The following CRMP1 variants were observed in gnomAD, a reference collection of about 807,000 sequenced individuals.
The protein encoded by CRMP1 is collapsin response mediator protein 1.
In CRMP1, 19 loss-of-function variants were observed where a neutral mutation model predicts 68.3. That is an observed-to-expected ratio of 0.28 (90% CI 0.19 to 0.41). The LOEUF is 0.41. CRMP1 is among the 10% of genes least tolerant of loss of function. The pLI is 1.00. For missense variants in CRMP1, 791 were observed against 967.4 expected, an observed-to-expected ratio of 0.82 and a Z score of 2.42; for synonymous variants, 439 against 399.6, an observed-to-expected ratio of 1.10 and a Z score of -1.18.
In CRMP1 at chr4:5,842,175, T is replaced by C. The variant is rs1165225380; in HGVS notation, c.1033-747A>G. Among the ~76,000 whole-genome samples the C allele has an allele frequency of 1.3e-5, 2 of 151,858 alleles. No individual in the cohort carries two copies. The highest frequency in any genetic ancestry group is 4.8e-5 in the African/African-American group (2 of 41,392). ...ATGGTGTGAACCCGGGAGGCAGAGCTTGCAGTGAGCCAAGATGGCGCCACT... is the reference window on the plus strand; with the variant it reads ...ATGGTGTGAACCCGGGAGGCAGAGCCTGCAGTGAGCCAAGATGGCGCCACT... On this transcript the variant is annotated intron_variant, in intron 7 of 13. Coordinates refer to ENST00000324989, the MANE Select transcript of CRMP1 (RefSeq NM_001014809.3). This position sits in a 1 kb window ranked among gnomAD's most constrained non-coding sequence, Gnocchi z 4.5.
intron 2 of CRMP1, among the ~76,000 whole-genome samples, chr4:5,862,525 G>C (rs1053760654): frequency 6.6e-5 from 10 of 152,196 alleles, no homozygotes; most frequent in Non-Finnish European, 1.3e-4. Flanking sequence ...AACTTAAAAG[G>C]AACAGCAACT....
intron 11 of CRMP1, among the ~76,000 whole-genome samples, chr4:5,830,995 C>T (rs1720342981): frequency 6.6e-6 from 1 of 152,176 alleles, no homozygotes; most frequent in Non-Finnish European, 1.5e-5. Flanking sequence ...GGGTCTCAGT[C>T]TGCAGTGCAG....
chr4:5,871,002 G>A (rs548845930), intron 1 of CRMP1, among the ~76,000 whole-genome samples: 26 of 152,258 alleles, frequency 1.7e-4, no homozygotes, highest in African/African-American at 5.8e-4. Flanking sequence ...GGCTCAGCCC[G>A]AAAGGTGGTA....
chr4:5,889,784 G>A lies in CRMP1; in HGVS notation c.381+2805C>T, dbSNP rs537728806. 1.3e-6 allele frequency: 2 copies of A among 1,528,970 alleles called. No individual in the cohort carries two copies. Among genetic ancestry groups the A allele is most frequent in the African/African-American group, 1.4e-5 (1 of 72,996 alleles). The allele number at this position is 1,528,970 out of a possible 1,614,324, so 94.7% of individuals were successfully genotyped here. A position where few individuals can be genotyped will look rare whatever the true frequency, so the allele number is the denominator to read the frequency against. ...CACTGTGGTTGGGGGCTGGGGCCCT[G>A]ACCTTCACCACCCCAGGGGCCAGTC... On this transcript the variant is annotated intron_variant, in intron 1 of 13. Transcript: ENST00000324989. This position sits in a 1 kb window ranked among gnomAD's most constrained non-coding sequence, Gnocchi z 4.5.
chr4:5,837,637 AAATAAAATAAAAT>A (rs1222668797), intron 9 of CRMP1, among the ~76,000 whole-genome samples: 2 of 132,416 alleles, frequency 1.5e-5, no homozygotes, highest in East Asian at 2.0e-4. Context: ...TCAAAAAATA[AAATAAAATAAAAT>A]AATAAAATAA....
chr4:5,842,977 T>G lies in CRMP1; in HGVS notation c.1032+116A>C. On this transcript the variant is annotated intron_variant, in intron 7 of 13. Transcript: ENST00000324989. The surrounding 1 kb of genome is among the most constrained non-coding windows in gnomAD (Gnocchi z 4.5). ...GAAAACAAGATGGTTTGGGATGGTC[T>G]GGGAGAGGACACGGGAAGAGGCCGG... The G allele has an allele frequency of 1.0e-6, 1 of 963,464 alleles. No homozygotes were observed. The highest frequency in any genetic ancestry group is 1.6e-6 in the Non-Finnish European group (1 of 606,600). The allele number at this position is 963,464 out of a possible 1,614,324, so 59.7% of individuals were successfully genotyped here. A position where few individuals can be genotyped will look rare whatever the true frequency, so the allele number is the denominator to read the frequency against.
chr4:5,882,500 C>A (rs1715282308), intron 1 of CRMP1, among the ~76,000 whole-genome samples: 1 of 152,214 alleles, frequency 6.6e-6, no homozygotes. Context: ...ATCCACATTG[C>A]ATTTAATATG....
chr4:5,831,389 C>T (rs967847755), intron 11 of CRMP1, among the ~76,000 whole-genome samples: 1 of 152,108 alleles, frequency 6.6e-6, no homozygotes, highest in African/African-American at 2.4e-5. Flanking sequence ...TAGGTGCATT[C>T]TTGGGGGTTC....
rs1182867771 is a variant in CRMP1, at chr4:5,837,659, A to AAAATAAAATAAAATAAAAT, written c.1311-772_1311-754dup. Among the ~76,000 whole-genome samples the AAAATAAAATAAAATAAAAT allele has an allele frequency of 1.2e-3, 116 of 98,526 alleles. 2 individuals are homozygous for AAAATAAAATAAAATAAAAT. Among genetic ancestry groups the AAAATAAAATAAAATAAAAT allele is most frequent in the Admixed American group, 2.0e-3 (21 of 10,628 alleles). The allele number at this position is 98,526 out of a possible 152,430, so 64.6% of individuals were successfully genotyped here. On this transcript the variant is annotated intron_variant, in intron 9 of 13. Coordinates refer to ENST00000324989, the MANE Select transcript of CRMP1 (RefSeq NM_001014809.3). ...ATAAAATAAAATAAAATAATAAAAT[A>AAAATAAAATAAAATAAAAT]AAATAAAATAAAATAAAATAAATAA...
chr4:5,823,318 A>G (rs1238534672), intron 13 of CRMP1, among the ~76,000 whole-genome samples: 1 of 152,194 alleles, frequency 6.6e-6, no homozygotes, highest in East Asian at 1.9e-4. Context: ...CTGGTAGACA[A>G]TATGTCTTCT....
At chr4:5,831,736 CCACACCCTGCATTTCACA>C in intron 11 of CRMP1, among the ~76,000 whole-genome samples, 1 of 152,284 alleles carries the variant, frequency 6.6e-6, no homozygotes, top group Admixed American at 6.5e-5. Flanking sequence ...ATCACAAATG[CCACACCCTGCATTTCACA>C]AGAACACTGA....
intron 1 of CRMP1, among the ~76,000 whole-genome samples, chr4:5,867,401 G>GT (rs1714073782): frequency 6.6e-6 from 1 of 152,060 alleles, no homozygotes; most frequent in Non-Finnish European, 1.5e-5. Flanking sequence ...GTAGAACAGG[G>GT]AGTTATCAAG....
intron 10 of CRMP1, among the ~76,000 whole-genome samples, 191 bp from the exon 11 acceptor site, chr4:5,836,276 C>T (rs1350795183): frequency 6.6e-6 from 1 of 152,176 alleles, no homozygotes; most frequent in Non-Finnish European, 1.5e-5. Context: ...TTTAATTAAC[C>T]GCACAGAGGT....
chr4:5,889,746 A>G lies in CRMP1; in HGVS notation c.381+2843T>C, dbSNP rs1002667017. On this transcript the variant is annotated intron_variant, in intron 1 of 13. Transcript: ENST00000324989. This position sits in a 1 kb window ranked among gnomAD's most constrained non-coding sequence, Gnocchi z 4.5. ...AGAGCGAGGGTGGCCTAGGCTTGGT[A>G]CAGCTCCCCCAGCACTGTGGTTGGG... 4.6e-6 allele frequency: 7 copies of G among 1,535,102 alleles called. No individual in the cohort carries two copies. The highest frequency in any genetic ancestry group is 2.7e-5 in the African/African-American group (2 of 73,122).
rs1405206298 is a variant in CRMP1 at position 5,825,848 on chromosome 4, C to A, written c.1804-189G>T. 1.7e-6 allele frequency: 1 copy of A among 603,646 alleles called. No homozygotes were observed. The highest frequency in any genetic ancestry group is 2.3e-5 in the African/African-American group (1 of 43,662). 37.4% of individuals were successfully genotyped at this position (603,646 alleles called of 1,614,324 possible). ...ATGCAGCCGCACACAGGCATTCATACACACAAGCATGCATACACACACATC... is the reference window on the plus strand; with the variant it reads ...ATGCAGCCGCACACAGGCATTCATAAACACAAGCATGCATACACACACATC... On this transcript the variant is annotated intron_variant, in intron 12 of 13. Coordinates refer to ENST00000324989, the MANE Select transcript of CRMP1 (RefSeq NM_001014809.3). This position sits in a 1 kb window ranked among gnomAD's most constrained non-coding sequence, Gnocchi z 4.4.
chr4:5,832,247 T>C (rs1577749205), intron 11 of CRMP1, among the ~76,000 whole-genome samples: 3 of 152,198 alleles, frequency 2.0e-5, no homozygotes, highest in Non-Finnish European at 2.9e-5. Context: ...GGAATTATGA[T>C]TGTACAACCT....
Position 5,825,824 on chromosome 4 carries a change from T to G in CRMP1, c.1804-165A>C, listed in dbSNP as rs1475307861. 6.1e-6 allele frequency: 4 copies of G among 659,928 alleles called. No individual in the cohort carries two copies. The East Asian group carries it at 1.2e-4, about 20-fold the overall frequency. The allele number at this position is 659,928 out of a possible 1,614,324, so 40.9% of individuals were successfully genotyped here. On this transcript the variant is annotated intron_variant, in intron 12 of 13. Coordinates refer to ENST00000324989, the MANE Select transcript of CRMP1 (RefSeq NM_001014809.3). This position sits in a 1 kb window ranked among gnomAD's most constrained non-coding sequence, Gnocchi z 4.4. Reference sequence around the variant, plus strand: ...ACACGACAGGTGCACTTCACACACATGCAGCCGCACACAGGCATTCATACA... The same window carrying G: ...ACACGACAGGTGCACTTCACACACAGGCAGCCGCACACAGGCATTCATACA...
Position 5,887,868 on chromosome 4 carries a change from C to G in CRMP1, c.381+4721G>C, listed in dbSNP as rs532829345. 3,016 of 963,384 alleles carry G rather than the reference C, an allele frequency of 3.1e-3. 11 individuals are homozygous for G. Among genetic ancestry groups the G allele is most frequent in the Non-Finnish European group, 3.5e-3 (2,831 of 800,276 alleles). 59.7% of individuals were successfully genotyped at this position (963,384 alleles called of 1,614,324 possible). ...GAGGCTCAGCTCACCCTCCCACCCCCGCGCGAGGCCTGCGGGGAGGGGGTT... is the reference window on the plus strand; with the variant it reads ...GAGGCTCAGCTCACCCTCCCACCCCGGCGCGAGGCCTGCGGGGAGGGGGTT... On this transcript the variant is annotated intron_variant, in intron 1 of 13. Coordinates refer to ENST00000324989, the MANE Select transcript of CRMP1 (RefSeq NM_001014809.3).
At chr4:5,869,570 G>A (rs1406205700) in intron 1 of CRMP1, among the ~76,000 whole-genome samples, 1 of 151,330 alleles carries the variant, frequency 6.6e-6, no homozygotes, top group Admixed American at 6.6e-5. Flanking sequence ...TGTAGTCCCA[G>A]CTACTCAGGA....
Sources: allele counts gnomAD v4.1 joint callset (sites outside exome capture counted in the v4.1 genomes callset), GRCh38; gene constraint gnomAD v4.1.1; non-coding constraint Gnocchi (gnomAD v3.1); transcripts MANE v1.5; gene names NCBI Gene and HGNC (gene_info 2026-07-23, HGNC 2026-07-21).